RFX2: variants seen among roughly 807,000 people sequenced by gnomAD.
The protein encoded by RFX2 is regulatory factor X2, also known as DNA-binding protein RFX2.
A neutral mutation model predicts 87.8 loss-of-function variants in RFX2; 20 were observed. The observed-to-expected ratio is 0.23, with a 90% confidence interval of 0.16 to 0.33. The LOEUF (loss-of-function observed/expected upper bound fraction) is 0.33, where lower values mean the gene tolerates loss of function less well. Ranked by LOEUF, RFX2 falls within the 10% of genes least tolerant of loss-of-function variation. The pLI is 1.00. For missense variants in RFX2, 767 were observed against 1,012.3 expected, an observed-to-expected ratio of 0.76 and a Z score of 3.29; for synonymous variants, 397 against 431.3, an observed-to-expected ratio of 0.92 and a Z score of 0.98.
In RFX2 at chr19:5,997,369, G is replaced by T; in HGVS notation, c.1860-156C>A. 1 of 863,480 alleles carries T rather than the reference G, an allele frequency of 1.2e-6. No individual in the cohort carries two copies. Among genetic ancestry groups the T allele is most frequent in the Non-Finnish European group, 1.7e-6 (1 of 590,570 alleles). 53.5% of individuals were successfully genotyped at this position (863,480 alleles called of 1,614,324 possible). On this transcript the variant is annotated intron_variant, in intron 15 of 17. Transcript: ENST00000303657. The surrounding 1 kb of genome is among the most constrained non-coding windows in gnomAD (Gnocchi z 4.2). The stretch of plus-strand genomic sequence containing the variant: ...AGACGTGCAGGCCTACGCGGGGGCT[G>T]ACGGGCTGCCGAGACCCTGGGCCCA...
At chr19:6,055,877 A>G (rs2087331017) in intron 1 of RFX2, among the ~76,000 whole-genome samples, 1 of 152,240 alleles carries the variant, frequency 6.6e-6, no homozygotes, top group Admixed American at 6.5e-5. Context: ...CTCTTCATGA[A>G]TAGAAAGGAA....
intron 1 of RFX2, among the ~76,000 whole-genome samples, chr19:6,093,259 G>A (rs1013711018): frequency 6.6e-6 from 1 of 152,242 alleles, no homozygotes; most frequent in African/African-American, 2.4e-5. Context: ...CTAAGGCCGG[G>A]TGCGGTGGTT....
At position 6,050,101 on chromosome 19, in the gene RFX2, G is replaced by C. The variant is rs1156514004; in HGVS notation, c.-8-2597C>G. 6.6e-6 allele frequency among the ~76,000 whole-genome samples: 1 copy of C among 152,168 alleles called. No homozygotes were observed. The highest frequency in any genetic ancestry group is 6.5e-5 in the Admixed American group (1 of 15,278). On this transcript the variant is annotated intron_variant, in intron 1 of 17. Coordinates refer to ENST00000303657, the MANE Select transcript of RFX2 (RefSeq NM_000635.4). The surrounding 1 kb of genome is among the most constrained non-coding windows in gnomAD (Gnocchi z 4.6). ...CTAAGCAACTACACCACAAAGGTGT[G>C]GGGGAGATACCAGGGGTCTTGGGGA...
In RFX2 at chr19:5,995,023, C is replaced by T. The variant is rs975869359; in HGVS notation, c.2057-73G>A. The T allele has an allele frequency of 9.9e-6, 12 of 1,211,358 alleles. 1 individual carries two copies. Among genetic ancestry groups the T allele is most frequent in the South Asian group, 5.0e-5 (4 of 80,372 alleles). 75.0% of individuals were successfully genotyped at this position (1,211,358 alleles called of 1,614,324 possible). On this transcript the variant is annotated intron_variant, in intron 17 of 17. Transcript: ENST00000303657. ...GAGGGAGAGAAGGAAGTGCACGTTC[C>T]GAGAACTGCTCCGGCACGCCAGGCA...
In RFX2 at chr19:6,001,814, C is replaced by A; in HGVS notation, c.1859+1G>T. On this transcript the variant is annotated splice_donor_variant, in intron 15 of 17. Coordinates refer to ENST00000303657, the MANE Select transcript of RFX2 (RefSeq NM_000635.4). LOFTEE classifies it high-confidence loss of function. This position sits in a 1 kb window ranked among gnomAD's most constrained non-coding sequence, Gnocchi z 5.6. ...TCTCTCGGAGGTCTGGTGGGACTAA[C>A]CTGTAAAAGGACCATTTCAGCAAGA... The A allele has an allele frequency of 6.2e-7, 1 of 1,604,104 alleles. No individual in the cohort carries two copies. Among genetic ancestry groups the A allele is most frequent in the Non-Finnish European group, 8.5e-7 (1 of 1,174,092 alleles).
intron 15 of RFX2, among the ~76,000 whole-genome samples, chr19:6,000,582 A>G (rs145299115): frequency 2.0e-5 from 3 of 152,322 alleles, no homozygotes; most frequent in Admixed American, 6.5e-5. Context: ...TTGAGAGTGA[A>G]TAAGTCTCAT....
intron 1 of RFX2, among the ~76,000 whole-genome samples, chr19:6,080,517 G>T (rs901220542): frequency 5.3e-5 from 8 of 152,136 alleles, no homozygotes; most frequent in African/African-American, 1.9e-4. Flanking sequence ...GTGGTGCAAG[G>T]TGATTGCAGA....
At position 6,064,233 on chromosome 19, in the gene RFX2, T is replaced by TCCC. The variant is rs2087479194; in HGVS notation, c.-8-16732_-8-16730dup. ...CACCTTCACCATGTTGGCCTCCAGC[T>TCCC]CCCGTCTTCAGCTGAGCACAGGGGC... On this transcript the variant is annotated intron_variant, in intron 1 of 17. Coordinates refer to ENST00000303657, the MANE Select transcript of RFX2 (RefSeq NM_000635.4). The surrounding 1 kb of genome is among the most constrained non-coding windows in gnomAD (Gnocchi z 4.8). Among the ~76,000 whole-genome samples, 7 of 152,278 alleles carry TCCC rather than the reference T, an allele frequency of 4.6e-5. No homozygotes were observed. In the South Asian group the frequency reaches 1.5e-3, roughly 32 times the overall value.
chr19:6,103,357 A>G (rs920000889), intron 1 of RFX2, among the ~76,000 whole-genome samples: 1 of 152,228 alleles, frequency 6.6e-6, no homozygotes, highest in Non-Finnish European at 1.5e-5. Context: ...GTTTTCAAAC[A>G]TGCAAGACCT....
At chr19:6,042,261 C>T (rs867753762) in intron 3 of RFX2, 138 bp from the exon 4 acceptor site, 18 of 744,314 alleles carry the variant, frequency 2.4e-5, no homozygotes, top group African/African-American at 8.6e-5. Context: ...ACAGTCGGCA[C>T]GCCTAGAAAG....
At chr19:6,055,747 T>G (rs1359522778) in intron 1 of RFX2, among the ~76,000 whole-genome samples, 1 of 151,884 alleles carries the variant, frequency 6.6e-6, no homozygotes, top group Non-Finnish European at 1.5e-5. Flanking sequence ...ATCAGGAGAG[T>G]GGACGAGAAA....
chr19:6,013,514 A>G lies in RFX2; in HGVS notation c.780-409T>C, dbSNP rs1034117367. On this transcript the variant is annotated intron_variant, in intron 7 of 17. Coordinates refer to ENST00000303657, the MANE Select transcript of RFX2 (RefSeq NM_000635.4). The surrounding 1 kb of genome is among the most constrained non-coding windows in gnomAD (Gnocchi z 4.1). ...TCTCTCTTTTTTTTTTTTTTCAGAA[A>G]CAGGGTCTCACTCTGTCACCCAGGC... Among the ~76,000 whole-genome samples the G allele has an allele frequency of 6.7e-6, 1 of 149,798 alleles. No homozygotes were observed. Among genetic ancestry groups the G allele is most frequent in the African/African-American group, 2.5e-5 (1 of 40,452 alleles).
Position 6,061,623 on chromosome 19 carries a change from C to T in RFX2, c.-8-14119G>A, listed in dbSNP as rs780638916. Among the ~76,000 whole-genome samples, 7 of 152,224 alleles carry T rather than the reference C, an allele frequency of 4.6e-5. No homozygotes were observed. The highest frequency in any genetic ancestry group is 1.4e-4 in the African/African-American group (6 of 41,536). ...ATCTTACTGGGGAGTCGGCTGCAGC[C>T]GGGGGAAAAAGACTTTGCAACCTCC... On this transcript the variant is annotated intron_variant, in intron 1 of 17. Coordinates refer to ENST00000303657, the MANE Select transcript of RFX2 (RefSeq NM_000635.4). The surrounding 1 kb of genome is among the most constrained non-coding windows in gnomAD (Gnocchi z 5.2).
chr19:6,082,568 GACCACAGGCGTGCACC>G (rs2087800581), intron 1 of RFX2, among the ~76,000 whole-genome samples: 1 of 152,074 alleles, frequency 6.6e-6, no homozygotes, highest in South Asian at 2.1e-4. Context: ...GTGTAGCTAG[GACCACAGGCGTGCACC>G]ACCACTCTCA....
At chr19:6,062,280 C>G (rs897004898) in intron 1 of RFX2, among the ~76,000 whole-genome samples, 4 of 152,296 alleles carry the variant, frequency 2.6e-5, no homozygotes, top group East Asian at 3.9e-4. Flanking sequence ...GTGGCCAGAC[C>G]GAGCCCCAGA....
chr19:5,996,363 G>T (rs1348455397), intron 16 of RFX2, among the ~76,000 whole-genome samples: 1 of 152,254 alleles, frequency 6.6e-6, no homozygotes, highest in East Asian at 1.9e-4. Context: ...GGCCAGCCAC[G>T]CACCGGAACA....
In RFX2 at chr19:6,013,067, T is replaced by C. The variant is rs1395177719; in HGVS notation, c.818A>G (p.Lys273Arg). 1 of 1,600,626 alleles carries C rather than the reference T, an allele frequency of 6.2e-7. No homozygotes were observed. Among genetic ancestry groups the C allele is most frequent in the Non-Finnish European group, 8.5e-7 (1 of 1,174,002 alleles). Residue 273 changes from lysine to arginine, a missense_variant, in exon 8 of 18, where the codon AAG becomes AGG. By Grantham distance (26) the Lys-to-Arg change is conservative (BLOSUM62 2). Around this residue, in one of 2 missense-constraint regions of RFX2, gnomAD observed 621 missense variants for 873.0 expected, o/e 0.71. Coordinates refer to ENST00000303657, the MANE Select transcript of RFX2 (RefSeq NM_000635.4). This position sits in a 1 kb window ranked among gnomAD's most constrained non-coding sequence, Gnocchi z 4.1. ...SKYHYYGIRLKPDSPLNRLQE... is the reference protein window; with the variant it reads ...SKYHYYGIRLRPDSPLNRLQE... The stretch of plus-strand genomic sequence containing the variant: ...CAGCCGGTTCAGTGGTGAGTCCGGC[T>C]TCAGACGAATCCCATAGTAATGGTA...
chr19:6,008,492 C>T (rs2086619075), intron 9 of RFX2, among the ~76,000 whole-genome samples: 1 of 151,048 alleles, frequency 6.6e-6, no homozygotes, highest in South Asian at 2.1e-4. Flanking sequence ...TCTGCTTCAA[C>T]CGCCCGAGTA....
At chr19:6,042,503 T>TG (rs2087125522) in intron 3 of RFX2, among the ~76,000 whole-genome samples, 3 of 148,786 alleles carry the variant, frequency 2.0e-5, no homozygotes, top group African/African-American at 7.9e-5. Context: ...TCTGTTTTTT[T>TG]TTTTTGTTTG....
Sources: gnomAD v4.1 joint callset for allele counts (sites outside exome capture counted in the v4.1 genomes callset) on GRCh38, gnomAD v4.1.1 for gene constraint, gnomAD v4.1.1 regional missense constraint, Gnocchi (gnomAD v3.1) non-coding constraint, MANE v1.5 for transcripts, NCBI Gene and HGNC (gene_info 2026-07-23, HGNC 2026-07-21) for gene names.